Variants in RBBP8 observed in about 807,000 individuals in gnomAD.
RBBP8 encodes the protein RB binding protein 8, endonuclease, also known as DNA endonuclease RBBP8.
A neutral mutation model predicts 108.3 loss-of-function variants in RBBP8; 88 were observed. The observed-to-expected ratio is 0.81, with a 90% CI of 0.68 to 0.97. The LOEUF is 0.97. Among genes scored for constraint, RBBP8 ranks in the 50% least tolerant of loss-of-function variants. The pLI, the probability that RBBP8 is intolerant of heterozygous loss-of-function variation, is 0.00. For missense variants in RBBP8, 1,023 were observed against 1,049.0 expected (o/e 0.98, Z 0.34); for synonymous variants, 332 against 348.2 (o/e 0.95, Z 0.52).
In RBBP8 at chr18:23,016,875, A is replaced by C; in HGVS notation, c.2405A>C (p.Lys802Thr). ...NFPHIEVVRK[K>T]EERRKLLGHT... ...CCTCATATTGAGGTGGTTCGGAAAA[A>C]AGAGGAGAGAAGAAAACTGCTTGGG... Residue 802 changes from lysine to threonine, a missense_variant, in exon 17 of 19, where the codon AAA becomes ACA. Physicochemically the swap from Lys to Thr is moderately conservative, Grantham distance 78 (BLOSUM62 -1). Coordinates refer to ENST00000327155, the MANE Select transcript of RBBP8 (RefSeq NM_002894.3). 6.2e-7 allele frequency: 1 copy of C among 1,613,966 alleles called. No homozygotes were observed. Among genetic ancestry groups the C allele is most frequent in the Non-Finnish European group, 8.5e-7 (1 of 1,179,956 alleles).
At chr18:22,937,752 A>G (rs917728549) in intron 2 of RBBP8, among the ~76,000 whole-genome samples, 5 of 151,870 alleles carry the variant, frequency 3.3e-5, no homozygotes, top group Non-Finnish European at 7.4e-5. Flanking sequence ...TGGTGGGATT[A>G]CAGACGTGAG....
chr18:22,973,741 C>G (rs2051401203), intron 5 of RBBP8, among the ~76,000 whole-genome samples: 3 of 152,192 alleles, frequency 2.0e-5, no homozygotes, highest in South Asian at 4.1e-4. Flanking sequence ...CTTTGTTCCA[C>G]TGATTCTCTC....
intron 6 of RBBP8, 126 bp from the exon 7 acceptor site, chr18:22,982,092 A>G (rs2144654674): frequency 9.0e-7 from 1 of 1,111,014 alleles, no homozygotes; most frequent in South Asian, 1.4e-5. Flanking sequence ...TAGGTTTGGA[A>G]CATTAGATGC....
chr18:22,985,673 G>A (rs547294284), intron 8 of RBBP8, among the ~76,000 whole-genome samples: 10 of 152,204 alleles, frequency 6.6e-5, no homozygotes, highest in African/African-American at 2.4e-4. Context: ...GTTGGGGCGG[G>A]GGTGGTTAAA....
intron 3 of RBBP8, among the ~76,000 whole-genome samples, chr18:22,947,086 C>G (rs941340917): frequency 6.6e-6 from 1 of 151,998 alleles, no homozygotes; most frequent in Non-Finnish European, 1.5e-5. Flanking sequence ...GGCAGAGTAG[C>G]TTTGTAACAC....
chr18:22,951,296 T>G (rs1304240272), intron 4 of RBBP8, among the ~76,000 whole-genome samples: 1 of 152,224 alleles, frequency 6.6e-6, no homozygotes, highest in Non-Finnish European at 1.5e-5. Context: ...GAATAAGACT[T>G]ACATATCTTA....
intron 2 of RBBP8, among the ~76,000 whole-genome samples, chr18:22,937,409 G>A (rs1218641517): frequency 3.3e-5 from 5 of 151,592 alleles, no homozygotes; most frequent in African/African-American, 7.3e-5. Flanking sequence ...ATTCCATGAT[G>A]TATATATACT....
chr18:22,924,316 A>T (rs1219237893), intron 3 of RBBP8, among the ~76,000 whole-genome samples: 1 of 151,822 alleles, frequency 6.6e-6, no homozygotes, highest in East Asian at 1.9e-4. Flanking sequence ...TTTAGTAGAG[A>T]TGGGGTTTCA....
At chr18:22,968,758 A>C (rs1477061225) in intron 4 of RBBP8, 48 bp from the exon 5 acceptor site, 5 of 1,487,526 alleles carry the variant, frequency 3.4e-6, no homozygotes, top group Non-Finnish European at 4.7e-6. Context: ...AATTCCAAAG[A>C]AGGAAATCTC....
chr18:22,990,080 G>A, intron 9 of RBBP8, among the ~76,000 whole-genome samples: 1 of 152,080 alleles, frequency 6.6e-6, no homozygotes, highest in Non-Finnish European at 1.5e-5. Context: ...AAATGATAAT[G>A]GGTAGTTTTT....
At chr18:22,976,587 G>A (rs563990879) in intron 6 of RBBP8, among the ~76,000 whole-genome samples, 1 of 152,128 alleles carries the variant, frequency 6.6e-6, no homozygotes, top group East Asian at 1.9e-4. Flanking sequence ...CACTGGAGCT[G>A]TTATGTAATT....
intron 3 of RBBP8, chr18:22,920,975 T>C (rs1170877071): frequency 2.0e-5 from 3 of 152,238 alleles, no homozygotes; most frequent in Non-Finnish European, 4.4e-5. Context: ...TCTTGGGTCA[T>C]TAACATTCTT....
chr18:22,931,623 A>C (rs191067525), upstream of RBBP8, among the ~76,000 whole-genome samples: 3 of 152,336 alleles, frequency 2.0e-5, no homozygotes, highest in Admixed American at 1.3e-4. Context: ...ATATATCTGA[A>C]TACTAAGCAG....
intron 5 of RBBP8, among the ~76,000 whole-genome samples, chr18:22,973,620 A>G (rs1914282622): frequency 2.0e-5 from 3 of 152,228 alleles, no homozygotes; most frequent in African/African-American, 7.2e-5. Context: ...GTACTAACAA[A>G]TCAGTCTTCC....
intron 4 of RBBP8, among the ~76,000 whole-genome samples, chr18:22,965,496 T>TC (rs1913506030): frequency 6.6e-6 from 1 of 152,140 alleles, no homozygotes; most frequent in Admixed American, 6.5e-5. Flanking sequence ...TAGGGCTGAC[T>TC]CCCAGTGTTC....
chr18:22,943,648 G>A (rs1324539501), intron 2 of RBBP8, among the ~76,000 whole-genome samples: 2 of 152,032 alleles, frequency 1.3e-5, no homozygotes, highest in African/African-American at 4.8e-5. Context: ...AGTAGTTTTG[G>A]TTGAAGTTTA....
Position 22,994,893 on chromosome 18 carries a change from T to C in RBBP8, c.1939+1046T>C, listed in dbSNP as rs372304375. ...AGCATGCACCACCACACCCAGCTGA[T>C]TTTTTTATTTTTTGAAGTGACTGGG... is the stretch of plus-strand genomic sequence containing the variant. On this transcript the variant is annotated intron_variant, in intron 12 of 18. Transcript: ENST00000327155. Among the ~76,000 whole-genome samples the C allele has an allele frequency of 6.7e-4, 101 of 151,872 alleles. 2 individuals carry two copies. In the South Asian group the frequency reaches 0.02, roughly 30 times the overall value.
At chr18:22,946,966 CTGAAT>C (rs1911616949) in intron 3 of RBBP8, among the ~76,000 whole-genome samples, 1 of 152,020 alleles carries the variant, frequency 6.6e-6, no homozygotes, top group African/African-American at 2.4e-5. Flanking sequence ...TGAAGATTCT[CTGAAT>C]TGTTTTGCTT....
chr18:23,019,725 C>T (rs2046317000), intron 17 of RBBP8, among the ~76,000 whole-genome samples: 3 of 151,872 alleles, frequency 2.0e-5, no homozygotes, highest in Admixed American at 2.0e-4. Context: ...TTACTATCAC[C>T]ACCACTAATG....
Sources: gnomAD v4.1 joint callset for allele counts (sites outside exome capture counted in the v4.1 genomes callset) on GRCh38, gnomAD v4.1.1 for gene constraint, MANE v1.5 for transcripts, NCBI Gene and HGNC (gene_info 2026-07-23, HGNC 2026-07-21) for gene names.